Variants in C1orf50 observed in about 807,000 individuals in gnomAD.
The protein encoded by C1orf50 is chromosome 1 open reading frame 50, also known as uncharacterized protein C1orf50.
Under a neutral mutation model 23.3 loss-of-function variants are expected in C1orf50, and 22 were observed. The ratio of observed to expected loss-of-function variants is 0.94; its 90% CI spans 0.67 to 1.35. The LOEUF is 1.35. Among genes scored for constraint, C1orf50 ranks in the 40% most tolerant of loss-of-function variants. The pLI is 0.00. For synonymous variants in C1orf50, 96 were observed against 102.4 expected, an observed-to-expected ratio of 0.94 and a Z score of 0.38; for missense variants, 271 against 249.4, an observed-to-expected ratio of 1.09 and a Z score of -0.58.
In C1orf50 at chr1:42,767,598, G is replaced by C. The variant is rs765000579; in HGVS notation, c.169G>C (p.Val57Leu). Residue 57 changes from valine to leucine, a missense_variant, in exon 2 of 5, where the codon GTG (valine) becomes CTG (leucine). Transcript: ENST00000372525. The stretch of plus-strand genomic sequence containing the variant: ...CCGGGCCGGGGACCCCTTAGACCTC[G>C]TGGCGCTCGCAGAGCAGGTGCAGAA... ...THRAGDPLDL[V>L]ALAEQVQKAD... The C allele has an allele frequency of 6.2e-7, 1 of 1,611,974 alleles. No individual in the cohort carries two copies. Among genetic ancestry groups the C allele is most frequent in the South Asian group, 1.1e-5 (1 of 90,804 alleles).
intron 4 of C1orf50, 94 bp downstream of exon 4, chr1:42,774,962 G>C: frequency 6.9e-7 from 1 of 1,448,492 alleles, no homozygotes; most frequent in Non-Finnish European, 9.3e-7. Flanking sequence ...ATTGGTATAT[G>C]GTTTCTTAGA....
rs960638051 is a variant in C1orf50 at position 42,778,828 on chromosome 1, T to G, written c.*3434T>G. The G allele has an allele frequency of 1.2e-4, 18 of 152,226 alleles. No individual in the cohort carries two copies. The highest frequency in any genetic ancestry group is 9.2e-4 in the Admixed American group (14 of 15,256). 9.4% of individuals were successfully genotyped at this position (152,226 alleles called of 1,614,324 possible). ...TGAGAGAAGAACTAATGGAAGGATTTGGGGAGGCTGGTAATATTGGCAGCA... is the reference window on the plus strand; with the variant it reads ...TGAGAGAAGAACTAATGGAAGGATTGGGGGAGGCTGGTAATATTGGCAGCA... On this transcript the variant is annotated 3_prime_UTR_variant, in exon 5 of 5. Transcript: ENST00000372525.
intron 2 of C1orf50, among the ~76,000 whole-genome samples, chr1:42,769,202 C>G (rs1289479938): frequency 4.6e-5 from 7 of 151,534 alleles, no homozygotes; most frequent in Non-Finnish European, 8.8e-5. Context: ...GAGCCGAGAT[C>G]GCACCACTGT....
At chr1:42,773,447 T>A (rs567095157) in intron 2 of C1orf50, 116 bp from the exon 3 acceptor site, 1 of 634,384 alleles carries the variant, frequency 1.6e-6, no homozygotes, top group African/African-American at 1.9e-5. Context: ...GTGGCAAGAA[T>A]GGGAAAAATA....
chr1:42,767,295 G>A lies in C1orf50; in HGVS notation c.-17G>A. On this transcript the variant is annotated 5_prime_UTR_variant, in exon 1 of 5. Transcript: ENST00000372525. ...CTACTCGCACAGCCCAGGGAGTGGG[G>A]AGGATAAGGCGCTGTCATGGAGGAC... 5 of 1,492,970 alleles carry A rather than the reference G, an allele frequency of 3.3e-6. No homozygotes were observed. The highest frequency in any genetic ancestry group is 4.4e-6 in the Non-Finnish European group (5 of 1,126,660). The allele number at this position is 1,492,970 out of a possible 1,614,324, so 92.5% of individuals were successfully genotyped here.
chr1:42,767,283 C>G lies in C1orf50; in HGVS notation c.-29C>G. On this transcript the variant is annotated 5_prime_UTR_variant, in exon 1 of 5. Transcript: ENST00000372525. ...CGCAGGCTCTTCCTACTCGCACAGC[C>G]CAGGGAGTGGGGAGGATAAGGCGCT... is the stretch of plus-strand genomic sequence containing the variant. The G allele has an allele frequency of 6.7e-7, 1 of 1,482,694 alleles. No homozygotes were observed. The highest frequency in any genetic ancestry group is 1.4e-5 in the South Asian group (1 of 71,292). 91.8% of individuals were successfully genotyped at this position (1,482,694 alleles called of 1,614,324 possible). A position where few individuals can be genotyped will look rare whatever the true frequency, so the allele number is the denominator to read the frequency against.
intron 2 of C1orf50, among the ~76,000 whole-genome samples, chr1:42,771,629 C>T (rs1025740949): frequency 6.6e-5 from 10 of 152,230 alleles, no homozygotes; most frequent in African/African-American, 2.4e-4. Context: ...TCATTAACAA[C>T]TTACAAATAG....
chr1:42,768,470 C>T (rs114606982), intron 2 of C1orf50, among the ~76,000 whole-genome samples: 2,058 of 152,240 alleles, frequency 0.014, 63 homozygotes, highest in South Asian at 0.12. Context: ...TGATTATGTT[C>T]CAGGGTCTTT....
intron 4 of C1orf50, 93 bp downstream of exon 4, chr1:42,774,961 T>C: frequency 6.9e-7 from 1 of 1,456,064 alleles, no homozygotes. Context: ...GATTGGTATA[T>C]GGTTTCTTAG....
intron 2 of C1orf50, 112 bp downstream of exon 2, chr1:42,767,736 C>T (rs1653110432): frequency 4.2e-6 from 4 of 950,278 alleles, no homozygotes; most frequent in Non-Finnish European, 6.4e-6. Flanking sequence ...TTGCTCTTGT[C>T]TCCATTTTAC....
rs1482237825 is a variant in C1orf50, at chr1:42,776,355, GACT to G, written c.*963_*965del. ...GCAAAATTACTGTAGTTCTTATTCT[GACT>G]AGGCTCTTGTAGGACTCTACCTTCT... is the stretch of plus-strand genomic sequence containing the variant. On this transcript the variant is annotated 3_prime_UTR_variant, in exon 5 of 5. Transcript: ENST00000372525. The G allele has an allele frequency of 1.3e-5, 2 of 152,178 alleles. No individual in the cohort carries two copies. Among genetic ancestry groups the G allele is most frequent in the Admixed American group, 1.3e-4 (2 of 15,290 alleles). The allele number at this position is 152,178 out of a possible 1,614,324, so 9.4% of individuals were successfully genotyped here.
chr1:42,774,644 C>T, intron 3 of C1orf50, 93 bp from the exon 4 acceptor site: 3 of 1,423,048 alleles, frequency 2.1e-6, no homozygotes, highest in Non-Finnish European at 2.9e-6. Flanking sequence ...ATCCTAAGCA[C>T]TGAATGGTTT....
chr1:42,776,251 A>G lies in C1orf50; in HGVS notation c.*857A>G, dbSNP rs189803995. The G allele has an allele frequency of 4.3e-4, 66 of 152,376 alleles. No homozygotes were observed. Among genetic ancestry groups the G allele is most frequent in the African/African-American group, 1.5e-3 (64 of 41,594 alleles). The allele number at this position is 152,376 out of a possible 1,614,324, so 9.4% of individuals were successfully genotyped here. On this transcript the variant is annotated 3_prime_UTR_variant, in exon 5 of 5. Coordinates refer to ENST00000372525, the MANE Select transcript of C1orf50 (RefSeq NM_024097.4). ...CAGTAGAGTGAGAAGCAAGAAAAAC[A>G]GCCAAATTGTTGACTGTGAGTTAAC...
chr1:42,772,360 A>G (rs17385526), intron 2 of C1orf50, among the ~76,000 whole-genome samples: 29,602 of 152,218 alleles, frequency 0.19, 3,554 homozygotes, highest in Non-Finnish European at 0.25. Context: ...TTAATTGTGT[A>G]TAATCAGCTT....
In C1orf50 at chr1:42,776,822, G is replaced by C. The variant is rs1653350812; in HGVS notation, c.*1428G>C. 6.6e-6 allele frequency: 1 copy of C among 152,248 alleles called. No individual in the cohort carries two copies. The highest frequency in any genetic ancestry group is 6.5e-5 in the Admixed American group (1 of 15,278). The allele number at this position is 152,248 out of a possible 1,614,324, so 9.4% of individuals were successfully genotyped here. On this transcript the variant is annotated 3_prime_UTR_variant, in exon 5 of 5. Coordinates refer to ENST00000372525, the MANE Select transcript of C1orf50 (RefSeq NM_024097.4). Reference sequence around the variant, plus strand: ...GTTTCCCAGGTTTTCAGAAGGTTCTGACCTGCATGATGATGACACATTTTG... The same window carrying C: ...GTTTCCCAGGTTTTCAGAAGGTTCTCACCTGCATGATGATGACACATTTTG...
rs1653328830 is a variant in C1orf50, at chr1:42,775,845, A to G, written c.*451A>G. On this transcript the variant is annotated 3_prime_UTR_variant, in exon 5 of 5. Coordinates refer to ENST00000372525, the MANE Select transcript of C1orf50 (RefSeq NM_024097.4). ...CTCACAGTTGGTGCAACTCCAGTTT[A>G]AAATTCATCTGGGAACGAGAATGTT... 6.7e-6 allele frequency: 1 copy of G among 150,082 alleles called. No individual in the cohort carries two copies. Among genetic ancestry groups the G allele is most frequent in the Admixed American group, 6.7e-5 (1 of 15,022 alleles). 9.3% of individuals were successfully genotyped at this position (150,082 alleles called of 1,614,324 possible).
intron 2 of C1orf50, among the ~76,000 whole-genome samples, chr1:42,768,358 C>T (rs1036353586): frequency 2.6e-5 from 4 of 152,212 alleles, no homozygotes; most frequent in African/African-American, 9.6e-5. Context: ...CTTATCAAGA[C>T]TTCCAGTTGT....
At chr1:42,773,937 C>T (rs1048088124) in intron 3 of C1orf50, among the ~76,000 whole-genome samples, 2 of 152,136 alleles carry the variant, frequency 1.3e-5, no homozygotes, top group African/African-American at 4.8e-5. Flanking sequence ...ATTCTCCTGT[C>T]TCAGCCTCCC....
At chr1:42,772,752 G>C (rs1653249394) in intron 2 of C1orf50, among the ~76,000 whole-genome samples, 1 of 149,926 alleles carries the variant, frequency 6.7e-6, no homozygotes, top group Non-Finnish European at 1.5e-5. Context: ...TTGCACTGCA[G>C]CCTGGACAAT....
Sources: allele counts gnomAD v4.1 joint callset (sites outside exome capture counted in the v4.1 genomes callset), GRCh38; gene constraint gnomAD v4.1.1; transcripts MANE v1.5; gene names NCBI Gene and HGNC (gene_info 2026-07-23, HGNC 2026-07-21).